Variants in TMEM126A observed in about 807,000 individuals in gnomAD.
The protein encoded by TMEM126A is transmembrane protein 126A, also known as optic atrophy 7.
Under a neutral mutation model 18.3 loss-of-function variants are expected in TMEM126A, and 10 were observed. That is an observed-to-expected ratio of 0.55 (90% confidence interval 0.34 to 0.93). The LOEUF (loss-of-function observed/expected upper bound fraction) is 0.93, where lower values mean the gene tolerates loss of function less well. Ranked by LOEUF, TMEM126A falls within the 40% of genes least tolerant of loss-of-function variation. The pLI is 0.02. For synonymous variants in TMEM126A, 68 were observed against 78.1 expected, an observed-to-expected ratio of 0.87 and a Z score of 0.68; for missense variants, 246 against 230.2, an observed-to-expected ratio of 1.07 and a Z score of -0.44.
intron 2 of TMEM126A, 122 bp from the exon 3 acceptor site, chr11:85,653,941 T>C (rs536026739): frequency 1.5e-4 from 182 of 1,215,204 alleles, no homozygotes; most frequent in Admixed American, 4.6e-4. Context: ...ATTTTGGTTC[T>C]ATAAGGGATA....
chr11:85,651,386 T>C (rs2082498926), intron 2 of TMEM126A, among the ~76,000 whole-genome samples: 1 of 152,160 alleles, frequency 6.6e-6, no homozygotes, highest in Non-Finnish European at 1.5e-5. Flanking sequence ...GGGATGATGT[T>C]AGCATTTCTA....
chr11:85,654,372 C>G, intron 3 of TMEM126A, 116 bp downstream of exon 3: 1 of 1,033,816 alleles, frequency 9.7e-7, no homozygotes, highest in Non-Finnish European at 1.4e-6. Flanking sequence ...AAGATTAAAT[C>G]TTGCTAGCCT....
At chr11:85,653,901 C>A in intron 2 of TMEM126A, 162 bp from the exon 3 acceptor site, 3 of 761,408 alleles carry the variant, frequency 3.9e-6, no homozygotes, top group Non-Finnish European at 6.6e-6. Context: ...GGGAGAAGAG[C>A]AAAAACCTAT....
chr11:85,653,408 T>G (rs75207957), intron 2 of TMEM126A, among the ~76,000 whole-genome samples: 1 of 152,160 alleles, frequency 6.6e-6, no homozygotes, highest in Admixed American at 6.5e-5. Flanking sequence ...ATGTAAGTGG[T>G]AAAAAAGCTA....
At position 85,654,243 on chromosome 11, in the gene TMEM126A, T is replaced by C; in HGVS notation, c.267T>C (p.Phe89=). The C allele has an allele frequency of 6.2e-7, 1 of 1,614,156 alleles. No individual in the cohort carries two copies. Among genetic ancestry groups the C allele is most frequent in the African/African-American group, 1.3e-5 (1 of 75,070 alleles). ...TAACTTACAGATGTTTTGTAAGTTT[T>C]CCTTTGAATACAGGTAAATTCTACT... is the stretch of plus-strand genomic sequence containing the variant. ...TDLTYRCFVS[F]PLNTGDLDCE... Residue 89 remains phenylalanine, a synonymous_variant, in exon 3 of 5, where the codon TTT becomes TTC. Coordinates refer to ENST00000304511, the MANE Select transcript of TMEM126A (RefSeq NM_032273.4).
chr11:85,654,237 A>G lies in TMEM126A; in HGVS notation c.261A>G (p.Val87=). ...LTTDLTYRCF[V]SFPLNTGDLD... is the part of the protein sequence containing the mutation. ...CAGACTTAACTTACAGATGTTTTGT[A>G]AGTTTTCCTTTGAATACAGGTAAAT... Residue 87 remains valine (V), a synonymous_variant, in exon 3 of 5, where the codon GTA becomes GTG. Coordinates refer to ENST00000304511, the MANE Select transcript of TMEM126A (RefSeq NM_032273.4). 6.2e-7 allele frequency: 1 copy of G among 1,614,158 alleles called. No individual in the cohort carries two copies. The highest frequency in any genetic ancestry group is 8.5e-7 in the Non-Finnish European group (1 of 1,180,006).
chr11:85,648,337 A>G (rs1423216570), intron 1 of TMEM126A, among the ~76,000 whole-genome samples: 1 of 152,210 alleles, frequency 6.6e-6, no homozygotes, highest in Non-Finnish European at 1.5e-5. Context: ...TTACAAGGTG[A>G]CCACGGCCAA....
intron 2 of TMEM126A, among the ~76,000 whole-genome samples, chr11:85,651,682 G>A (rs1194190430): frequency 6.6e-6 from 1 of 151,752 alleles, no homozygotes; most frequent in African/African-American, 2.4e-5. Flanking sequence ...ATCTCCAAGG[G>A]GAAGAAAAAA....
At chr11:85,649,997 CTT>C (rs1250601907) in intron 1 of TMEM126A, among the ~76,000 whole-genome samples, 1 of 151,940 alleles carries the variant, frequency 6.6e-6, no homozygotes, top group Non-Finnish European at 1.5e-5. Context: ...TTTTATAAGT[CTT>C]TTATGTTTAG....
chr11:85,655,685 T>C lies in TMEM126A; in HGVS notation c.372T>C (p.Pro124=), dbSNP rs374493425. The change falls in exon 4 of 5, where the codon CCT becomes CCC. Residue 124 remains proline, a synonymous_variant. Coordinates refer to ENST00000304511, the MANE Select transcript of TMEM126A (RefSeq NM_032273.4). ...TATACCCTGTTTTCTTGGCTATACC[T>C]GTAAATGGTGGTCTAGCAGCCAGGT... ...GGLYPVFLAI[P]VNGGLAARYQ... is the part of the protein sequence containing the mutation. 5.1e-5 allele frequency: 83 copies of C among 1,613,200 alleles called. No individual in the cohort carries two copies. The highest frequency in any genetic ancestry group is 7.0e-5 in the Non-Finnish European group (83 of 1,179,258).
intron 1 of TMEM126A, 37 bp from the exon 2 acceptor site, chr11:85,650,212 T>C (rs2082488452): frequency 2.2e-6 from 3 of 1,341,894 alleles, no homozygotes; most frequent in Non-Finnish European, 2.1e-6. Context: ...ATTCTTTGTA[T>C]AAATTCTTGA....
intron 3 of TMEM126A, among the ~76,000 whole-genome samples, 189 bp downstream of exon 3, chr11:85,654,445 G>C (rs1200136537): frequency 6.6e-6 from 1 of 152,154 alleles, no homozygotes; most frequent in Non-Finnish European, 1.5e-5. Flanking sequence ...ATACACAGCA[G>C]TTCTAAATAC....
At chr11:85,653,431 A>C (rs1374415087) in intron 2 of TMEM126A, among the ~76,000 whole-genome samples, 2 of 152,214 alleles carry the variant, frequency 1.3e-5, no homozygotes, top group African/African-American at 4.8e-5. Flanking sequence ...TCGTAGTCTG[A>C]AAAGTTTGGA....
rs991954040 is a variant in TMEM126A at position 85,656,362 on chromosome 11, G to C, written c.449G>C (p.Arg150Thr). 1 of 1,612,612 alleles carries C rather than the reference G, an allele frequency of 6.2e-7. No individual in the cohort carries two copies. Among genetic ancestry groups the C allele is most frequent in the African/African-American group, 1.3e-5 (1 of 74,842 alleles). ...HKGNILSYWI[R>T]TSKPVFRKML... ...GGGAACATCTTAAGTTACTGGATTA[G>C]AACTTCTAAGCCTGTCTTTAGAAAG... Residue 150 changes from arginine (R) to threonine (T), a missense_variant, in exon 5 of 5, where the codon AGA (arginine) becomes ACA (threonine). Transcript: ENST00000304511.
In TMEM126A at chr11:85,656,481, C is replaced by T. The variant is rs1403213673; in HGVS notation, c.568C>T (p.Pro190Ser). 4 of 1,612,814 alleles carry T rather than the reference C, an allele frequency of 2.5e-6. No homozygotes were observed. Among genetic ancestry groups the T allele is most frequent in the Non-Finnish European group, 3.4e-6 (4 of 1,179,374 alleles). ...TATAAAGGCCCTTCAGTTATCTGAA[C>T]CTGGCAAAGAAATTCACTGATTTTA... ...LLIKALQLSE[P>S]GKEIH The change falls in exon 5 of 5, where the codon CCT becomes TCT. Residue 190 changes from proline (P) to serine (S), a missense_variant. Coordinates refer to ENST00000304511, the MANE Select transcript of TMEM126A (RefSeq NM_032273.4).
intron 1 of TMEM126A, among the ~76,000 whole-genome samples, chr11:85,648,367 C>A (rs1310224516): frequency 1.3e-5 from 2 of 152,186 alleles, no homozygotes; most frequent in Non-Finnish European, 2.9e-5. Context: ...TCAGAGGTCC[C>A]ACTTTACTTC....
intron 2 of TMEM126A, among the ~76,000 whole-genome samples, chr11:85,652,518 T>C (rs1263361426): frequency 1.3e-5 from 2 of 152,230 alleles, no homozygotes; most frequent in Non-Finnish European, 2.9e-5. Flanking sequence ...TGTTTGTCAT[T>C]TGTTAAATTT....
chr11:85,653,548 C>T (rs945208419), intron 2 of TMEM126A, among the ~76,000 whole-genome samples: 4 of 152,204 alleles, frequency 2.6e-5, no homozygotes, highest in Non-Finnish European at 4.4e-5. Context: ...GGCTTCAAAT[C>T]CAGTTCTACC....
intron 1 of TMEM126A, among the ~76,000 whole-genome samples, chr11:85,649,697 C>T (rs7105905): frequency 0.037 from 5,662 of 152,294 alleles, 161 homozygotes; most frequent in Admixed American, 0.054. Flanking sequence ...TTTTAGCTAA[C>T]CTATGGGTAC....
Sources: gnomAD v4.1 joint callset for allele counts (sites outside exome capture counted in the v4.1 genomes callset) on GRCh38, gnomAD v4.1.1 for gene constraint, MANE v1.5 for transcripts, NCBI Gene and HGNC (gene_info 2026-07-23, HGNC 2026-07-21) for gene names.